STEAP4: variants seen among roughly 807,000 people sequenced by gnomAD.
The protein encoded by STEAP4 is STEAP4 metalloreductase, also known as metalloreductase STEAP4.
STEAP4 carries 36 observed loss-of-function variants against 43.6 expected under a neutral mutation model. That is an observed-to-expected ratio of 0.83 (90% confidence interval 0.63 to 1.09). STEAP4 has a LOEUF of 1.09. Ranked by LOEUF, STEAP4 falls within the 50% of genes least tolerant of loss-of-function variation. STEAP4 has a pLI of 0.00. For missense variants in STEAP4, 495 were observed against 546.5 expected, an observed-to-expected ratio of 0.91 and a Z score of 0.94; for synonymous variants, 191 against 196.7, an observed-to-expected ratio of 0.97 and a Z score of 0.24.
rs968674332 is a variant in STEAP4, at chr7:88,276,942, A to T, written c.*2456T>A. Reference sequence around the variant, plus strand: ...TTACTAGGCTATAAAAGTAGAGTTCATTTTTTTCTATAGGTCAGCATTTTA... The same window carrying T: ...TTACTAGGCTATAAAAGTAGAGTTCTTTTTTTTCTATAGGTCAGCATTTTA... On this transcript the variant is annotated 3_prime_UTR_variant, in exon 5 of 5. Coordinates refer to ENST00000380079, the MANE Select transcript of STEAP4 (RefSeq NM_024636.4). The T allele has an allele frequency of 2.0e-5, 3 of 152,150 alleles. No individual in the cohort carries two copies. The highest frequency in any genetic ancestry group is 7.2e-5 in the African/African-American group (3 of 41,500). 9.4% of individuals were successfully genotyped at this position (152,150 alleles called of 1,614,324 possible).
rs56233359 is a variant in STEAP4, at chr7:88,282,565, A to G, written c.984+76T>C. 2.5e-3 allele frequency: 3,359 copies of G among 1,331,616 alleles called. 79 individuals are homozygous for G. In the African/African-American group the frequency reaches 0.044, roughly 17 times the overall value. The allele number at this position is 1,331,616 out of a possible 1,614,324, so 82.5% of individuals were successfully genotyped here. A position where few individuals can be genotyped will look rare whatever the true frequency, so the allele number is the denominator to read the frequency against. ...GATGCTTAGAAGAGTGACTTTCTATAATTATGAAATGGAATATGATGTAGC... is the reference window on the plus strand; with the variant it reads ...GATGCTTAGAAGAGTGACTTTCTATGATTATGAAATGGAATATGATGTAGC... On this transcript the variant is annotated intron_variant, in intron 3 of 4. Coordinates refer to ENST00000380079, the MANE Select transcript of STEAP4 (RefSeq NM_024636.4).
chr7:88,301,535 C>T (rs955535002), intron 1 of STEAP4, among the ~76,000 whole-genome samples: 1 of 152,148 alleles, frequency 6.6e-6, no homozygotes, highest in African/African-American at 2.4e-5. Flanking sequence ...CCTCAGCCTC[C>T]TAAAGTGCTG....
chr7:88,282,779 C>G lies in STEAP4; in HGVS notation c.846G>C (p.Trp282Cys). The change falls in exon 3 of 5, where the codon TGG (tryptophan) becomes TGC (cysteine). Residue 282 changes from tryptophan (W) to cysteine (C), a missense_variant. Trp to Cys is a radical substitution (Grantham distance 215). Coordinates refer to ENST00000380079, the MANE Select transcript of STEAP4 (RefSeq NM_024636.4). ...TTCGGCAAAGCATCCAGTGGTCAAG[C>G]CAGTCTGGGAATCGACGGTATTTTG... is the stretch of plus-strand genomic sequence containing the variant. ...RGTKYRRFPD[W>C]LDHWMLCRKQ... 6.2e-7 allele frequency: 1 copy of G among 1,614,096 alleles called. No homozygotes were observed. Among genetic ancestry groups the G allele is most frequent in the Non-Finnish European group, 8.5e-7 (1 of 1,180,008 alleles).
At chr7:88,292,107 G>C (rs1007913217) in intron 1 of STEAP4, 2 of 152,546 alleles carry the variant, frequency 1.3e-5, no homozygotes, top group Non-Finnish European at 2.9e-5. Context: ...GCGTGTGTGT[G>C]TGTGTATGTG....
Position 88,274,278 on chromosome 7 carries a change from G to C in STEAP4, c.*5120C>G, listed in dbSNP as rs909408791. On this transcript the variant is annotated 3_prime_UTR_variant, in exon 5 of 5. Transcript: ENST00000380079. ...GTGAAATTGTTAGCATAGGCTTTACGCATGGCACTCTGCTGTAAGTATCAT... is the reference window on the plus strand; with the variant it reads ...GTGAAATTGTTAGCATAGGCTTTACCCATGGCACTCTGCTGTAAGTATCAT... 8 of 152,336 alleles carry C rather than the reference G, an allele frequency of 5.3e-5. No individual in the cohort carries two copies. Among genetic ancestry groups the C allele is most frequent in the African/African-American group, 1.9e-4 (8 of 41,576 alleles). The allele number at this position is 152,336 out of a possible 1,614,324, so 9.4% of individuals were successfully genotyped here. A position where few individuals can be genotyped will look rare whatever the true frequency, so the allele number is the denominator to read the frequency against.
chr7:88,289,480 G>A (rs1852800165), intron 1 of STEAP4, among the ~76,000 whole-genome samples: 1 of 152,188 alleles, frequency 6.6e-6, no homozygotes, highest in Non-Finnish European at 1.5e-5. Context: ...TGTAGAGTTT[G>A]CACCTTTTTC....
At chr7:88,281,115 T>G in intron 3 of STEAP4, 36 bp from the exon 4 acceptor site, 2 of 1,480,626 alleles carry the variant, frequency 1.4e-6, no homozygotes, top group Non-Finnish European at 1.8e-6. Flanking sequence ...AAACTACATT[T>G]TTACAAACTA....
chr7:88,304,242 G>C (rs892757674), intron 1 of STEAP4: 1 of 152,078 alleles, frequency 6.6e-6, no homozygotes, highest in Non-Finnish European at 1.5e-5. Context: ...GCTAGATGAC[G>C]AGTTAGTGGG....
rs1236452246 is a variant in STEAP4 at position 88,277,054 on chromosome 7, T to G, written c.*2344A>C. The G allele has an allele frequency of 6.6e-6, 1 of 152,206 alleles. No homozygotes were observed. The highest frequency in any genetic ancestry group is 1.5e-5 in the Non-Finnish European group (1 of 68,040). The allele number at this position is 152,206 out of a possible 1,614,324, so 9.4% of individuals were successfully genotyped here. A position where few individuals can be genotyped will look rare whatever the true frequency, so the allele number is the denominator to read the frequency against. Reference sequence around the variant, plus strand: ...TCTTCTTTAACAAAAAGAGCATGGTTAACTCCAAAGACTTCTCTAGACCAG... The same window carrying G: ...TCTTCTTTAACAAAAAGAGCATGGTGAACTCCAAAGACTTCTCTAGACCAG... On this transcript the variant is annotated 3_prime_UTR_variant, in exon 5 of 5. Coordinates refer to ENST00000380079, the MANE Select transcript of STEAP4 (RefSeq NM_024636.4).
intron 1 of STEAP4, among the ~76,000 whole-genome samples, chr7:88,299,120 G>C (rs1371978964): frequency 6.6e-6 from 1 of 152,168 alleles, no homozygotes; most frequent in Non-Finnish European, 1.5e-5. Context: ...TGAGGTAATA[G>C]AGATCTATGT....
intron 1 of STEAP4, among the ~76,000 whole-genome samples, chr7:88,284,662 T>C (rs1190467360): frequency 6.6e-6 from 1 of 152,192 alleles, no homozygotes; most frequent in Non-Finnish European, 1.5e-5. Context: ...ATAGAAGGTT[T>C]ATGTTGATCA....
chr7:88,284,800 C>A (rs1462268842), intron 1 of STEAP4, among the ~76,000 whole-genome samples: 1 of 151,972 alleles, frequency 6.6e-6, no homozygotes, highest in African/African-American at 2.4e-5. Flanking sequence ...TCTGTCATAT[C>A]TGTGTATGTT....
Position 88,275,183 on chromosome 7 carries a change from C to T in STEAP4, c.*4215G>A, listed in dbSNP as rs1160616331. Reference sequence around the variant, plus strand: ...CTTGGCTCATTGTAACCTCTGCTTCCTGGGTCCAAGCACTTCTCCTGCCTC... The same window carrying T: ...CTTGGCTCATTGTAACCTCTGCTTCTTGGGTCCAAGCACTTCTCCTGCCTC... On this transcript the variant is annotated 3_prime_UTR_variant, in exon 5 of 5. Transcript: ENST00000380079. 2 of 152,366 alleles carry T rather than the reference C, an allele frequency of 1.3e-5. No homozygotes were observed. The highest frequency in any genetic ancestry group is 2.9e-5 in the Non-Finnish European group (2 of 68,198). 9.4% of individuals were successfully genotyped at this position (152,366 alleles called of 1,614,324 possible).
At chr7:88,286,325 G>A (rs1186680945) in intron 1 of STEAP4, among the ~76,000 whole-genome samples, 3 of 152,040 alleles carry the variant, frequency 2.0e-5, no homozygotes, top group Middle Eastern at 3.2e-3. Context: ...ATATTTATAT[G>A]AGTATAACTC....
intron 1 of STEAP4, among the ~76,000 whole-genome samples, chr7:88,284,525 G>A (rs1019736587): frequency 6.6e-6 from 1 of 151,970 alleles, no homozygotes; most frequent in Non-Finnish European, 1.5e-5. Context: ...GCTTCTGTTT[G>A]ATAAAAGGAT....
chr7:88,282,602 A>G (rs1399620812), intron 3 of STEAP4, 39 bp downstream of exon 3: 3 of 1,561,818 alleles, frequency 1.9e-6, no homozygotes, highest in Non-Finnish European at 1.7e-6. Context: ...ATAGTCTCTG[A>G]TTTCAGGAGC....
In STEAP4 at chr7:88,283,188, T is replaced by A. The variant is rs769136290; in HGVS notation, c.457-20A>T. On this transcript the variant is annotated intron_variant, in intron 2 of 4. Transcript: ENST00000380079. Reference sequence around the variant, plus strand: ...AAACACCTAGTTTAAAAACAGTTAATTAATTCTGTATTTACTCCTTTTCCT... The same window carrying A: ...AAACACCTAGTTTAAAAACAGTTAAATAATTCTGTATTTACTCCTTTTCCT... 1.3e-6 allele frequency: 2 copies of A among 1,517,606 alleles called. No homozygotes were observed. The highest frequency in any genetic ancestry group is 4.5e-5 in the East Asian group (2 of 44,046). 94.0% of individuals were successfully genotyped at this position (1,517,606 alleles called of 1,614,324 possible). A position where few individuals can be genotyped will look rare whatever the true frequency, so the allele number is the denominator to read the frequency against.
intron 1 of STEAP4, among the ~76,000 whole-genome samples, chr7:88,299,113 G>A (rs1743121507): frequency 6.6e-6 from 1 of 152,094 alleles, no homozygotes; most frequent in Admixed American, 6.5e-5. Flanking sequence ...AGGAAAGTGA[G>A]GTAATAGAGA....
chr7:88,278,946 C>T lies in STEAP4; in HGVS notation c.*452G>A. 1 of 158,250 alleles carries T rather than the reference C, an allele frequency of 6.3e-6. No homozygotes were observed. The highest frequency in any genetic ancestry group is 1.7e-4 in the South Asian group (1 of 5,728). 9.8% of individuals were successfully genotyped at this position (158,250 alleles called of 1,614,324 possible). ...CATTCCCTTTTTACATTTCATGTGA[C>T]CCACTTCCTCAGATATACCTAATAA... is the stretch of plus-strand genomic sequence containing the variant. On this transcript the variant is annotated 3_prime_UTR_variant, in exon 5 of 5. Coordinates refer to ENST00000380079, the MANE Select transcript of STEAP4 (RefSeq NM_024636.4).
Sources: allele counts gnomAD v4.1 joint callset (sites outside exome capture counted in the v4.1 genomes callset), GRCh38; gene constraint gnomAD v4.1.1; transcripts MANE v1.5; gene names NCBI Gene and HGNC (gene_info 2026-07-23, HGNC 2026-07-21).